CNNM4: variants seen among roughly 807,000 people sequenced by gnomAD.
CNNM4 encodes the protein cyclin and CBS domain divalent metal cation transport mediator 4.
CNNM4 carries 32 observed loss-of-function variants against 53.7 expected under a neutral mutation model. The ratio of observed to expected loss-of-function variants is 0.60; its 90% CI spans 0.45 to 0.80. The LOEUF is 0.80. CNNM4 is among the 30% of genes least tolerant of loss of function. The pLI is 0.00. For missense variants in CNNM4, 784 were observed against 1,022.0 expected, an observed-to-expected ratio of 0.77 and a Z score of 3.17; for synonymous variants, 410 against 440.0, an observed-to-expected ratio of 0.93 and a Z score of 0.85.
intron 5 of CNNM4, among the ~76,000 whole-genome samples, chr2:96,807,421 G>A (rs895446408): frequency 4.0e-5 from 6 of 151,748 alleles, no homozygotes; most frequent in African/African-American, 1.5e-4. Context: ...TCATAAGATC[G>A]AGACCATCCT....
At chr2:96,781,639 A>T (rs1254068958) in intron 1 of CNNM4, among the ~76,000 whole-genome samples, 1 of 152,228 alleles carries the variant, frequency 6.6e-6, no homozygotes, top group Non-Finnish European at 1.5e-5. Context: ...TTCACCAACC[A>T]GGAAGCTCAG....
intron 1 of CNNM4, among the ~76,000 whole-genome samples, chr2:96,777,969 A>G (rs1223510316): frequency 6.6e-6 from 1 of 151,396 alleles, no homozygotes; most frequent in African/African-American, 2.4e-5. Flanking sequence ...TGGGCTCAAG[A>G]AATCCTCCCA....
chr2:96,808,223 CATT>C lies in CNNM4; in HGVS notation c.1949-337_1949-335del, dbSNP rs1478846822. 6.6e-6 allele frequency among the ~76,000 whole-genome samples: 1 copy of C among 152,136 alleles called. No homozygotes were observed. The highest frequency in any genetic ancestry group is 2.4e-5 in the African/African-American group (1 of 41,434). On this transcript the variant is annotated intron_variant, in intron 5 of 6. Transcript: ENST00000377075. The surrounding 1 kb of genome is among the most constrained non-coding windows in gnomAD (Gnocchi z 4.9). ...AGTTTGCCTGTCCTGCTAGGATGAT[CATT>C]GTGTTGCCCTTGACTGATTGGTTGT... is the stretch of plus-strand genomic sequence containing the variant.
At chr2:96,785,688 C>T (rs1474879123) in intron 1 of CNNM4, among the ~76,000 whole-genome samples, 1 of 151,530 alleles carries the variant, frequency 6.6e-6, no homozygotes, top group Non-Finnish European at 1.5e-5. Flanking sequence ...CCGGTAGTCC[C>T]AGCTATTCTG....
chr2:96,773,324 C>T (rs72809844), intron 1 of CNNM4, among the ~76,000 whole-genome samples: 117 of 152,238 alleles, frequency 7.7e-4, no homozygotes, highest in Non-Finnish European at 1.3e-3. Context: ...TGCAAGGTGC[C>T]GAGCCCTGTG....
intron 5 of CNNM4, among the ~76,000 whole-genome samples, chr2:96,802,628 T>G (rs936886478): frequency 1.3e-5 from 2 of 152,244 alleles, no homozygotes. Context: ...GTGTACCCCC[T>G]TCATAAGAGT....
At chr2:96,774,749 A>G (rs969373080) in intron 1 of CNNM4, among the ~76,000 whole-genome samples, 1 of 152,084 alleles carries the variant, frequency 6.6e-6, no homozygotes, top group Admixed American at 6.6e-5. Flanking sequence ...GGATCACCTG[A>G]GGTTAGGAGT....
intron 5 of CNNM4, among the ~76,000 whole-genome samples, chr2:96,802,391 A>T (rs1025124052): frequency 2.6e-5 from 4 of 152,248 alleles, no homozygotes; most frequent in Non-Finnish European, 5.9e-5. Context: ...CAGGCCACCC[A>T]CACACCGTGT....
Position 96,808,747 on chromosome 2 carries a change from G to A in CNNM4, c.2130+5G>A, listed in dbSNP as rs200517269. ...GTGGACTTGCAGTACATCAAGGTGAGTGCCTCACTGCCCTGTCTGGGCAGT... is the reference window on the plus strand; with the variant it reads ...GTGGACTTGCAGTACATCAAGGTGAATGCCTCACTGCCCTGTCTGGGCAGT... On this transcript the variant is annotated splice_donor_5th_base_variant and intron_variant, in intron 6 of 6. Coordinates refer to ENST00000377075, the MANE Select transcript of CNNM4 (RefSeq NM_020184.4). The surrounding 1 kb of genome is among the most constrained non-coding windows in gnomAD (Gnocchi z 4.9). The A allele has an allele frequency of 4.7e-4, 760 of 1,613,802 alleles. 1 individual carries two copies. The highest frequency in any genetic ancestry group is 1.0e-3 in the South Asian group (91 of 91,078).
Position 96,761,755 on chromosome 2 carries a change from G to C in CNNM4, c.756G>C (p.Leu252=), listed in dbSNP as rs377727962. 1.2e-4 allele frequency: 190 copies of C among 1,611,242 alleles called. 2 individuals carry two copies. In the South Asian group the frequency reaches 1.7e-3, roughly 14 times the overall value. Residue 252 remains leucine, a synonymous_variant, in exon 1 of 7, where the codon CTG becomes CTC. Coordinates refer to ENST00000377075, the MANE Select transcript of CNNM4 (RefSeq NM_020184.4). The surrounding 1 kb of genome is among the most constrained non-coding windows in gnomAD (Gnocchi z 6.0). ...GCTCGTTGCTCCTAGGGAACGTGCT[G>C]GTCAACACCTCCCTCACAATCCTTC... The part of the protein sequence containing the change: ...LLCSLLLGNV[L]VNTSLTILLD...
chr2:96,776,645 G>T (rs752872513), intron 1 of CNNM4, among the ~76,000 whole-genome samples: 1 of 151,960 alleles, frequency 6.6e-6, no homozygotes, highest in Non-Finnish European at 1.5e-5. Context: ...ATGGAGTCTC[G>T]CTCTCTCGCC....
intron 1 of CNNM4, among the ~76,000 whole-genome samples, chr2:96,777,867 T>A (rs529050227): frequency 8.6e-5 from 13 of 150,336 alleles, no homozygotes; most frequent in Admixed American, 4.6e-4. Context: ...TTGAACTCTC[T>A]GCCTTTTTTT....
At chr2:96,772,433 C>T (rs566200933) in intron 1 of CNNM4, among the ~76,000 whole-genome samples, 192 of 134,018 alleles carry the variant, frequency 1.4e-3, no homozygotes, top group African/African-American at 5.2e-3. Context: ...CACACACATG[C>T]GCACACACAC....
chr2:96,764,529 C>T (rs572701283), intron 1 of CNNM4, among the ~76,000 whole-genome samples: 28 of 152,142 alleles, frequency 1.8e-4, no homozygotes, highest in Non-Finnish European at 1.3e-4. Context: ...GGCTTTATGC[C>T]ATCACTTACT....
chr2:96,781,701 A>C (rs1037698416), intron 1 of CNNM4, among the ~76,000 whole-genome samples: 1 of 152,054 alleles, frequency 6.6e-6, no homozygotes, highest in African/African-American at 2.4e-5. Flanking sequence ...TGTTTGATTT[A>C]AGTCATTCAC....
chr2:96,773,337 C>T (rs143520315), intron 1 of CNNM4, among the ~76,000 whole-genome samples: 15 of 152,226 alleles, frequency 9.9e-5, no homozygotes, highest in East Asian at 3.9e-4. Context: ...GCCCTGTGCC[C>T]GGCACTGCGT....
Position 96,777,661 on chromosome 2 carries a change from C to T in CNNM4, c.1402+15260C>T, listed in dbSNP as rs138857116. On this transcript the variant is annotated intron_variant, in intron 1 of 6. Coordinates refer to ENST00000377075, the MANE Select transcript of CNNM4 (RefSeq NM_020184.4). ...GATTACAAGCGTGTGCCACCACACC[C>T]GGCTAATTTTTTATATTTTTGGTAG... Among the ~76,000 whole-genome samples, 1,007 of 152,078 alleles carry T rather than the reference C, an allele frequency of 6.6e-3. 10 individuals carry two copies. The highest frequency in any genetic ancestry group is 0.023 in the African/African-American group (936 of 41,500).
intron 5 of CNNM4, among the ~76,000 whole-genome samples, chr2:96,806,824 GA>G (rs1226444463): frequency 6.6e-6 from 1 of 152,028 alleles, no homozygotes; most frequent in Non-Finnish European, 1.5e-5. Context: ...TTCAAAATAA[GA>G]AGCCCATTCT....
At chr2:96,774,251 G>A (rs897400711) in intron 1 of CNNM4, among the ~76,000 whole-genome samples, 7 of 152,094 alleles carry the variant, frequency 4.6e-5, no homozygotes, top group African/African-American at 1.7e-4. Context: ...GTGTCTCAGG[G>A]AGGGAGGGAA....
Sources: allele counts gnomAD v4.1 joint callset (sites outside exome capture counted in the v4.1 genomes callset), GRCh38; gene constraint gnomAD v4.1.1; non-coding constraint Gnocchi (gnomAD v3.1); transcripts MANE v1.5; gene names NCBI Gene and HGNC (gene_info 2026-07-23, HGNC 2026-07-21).